Variants in CTTNBP2 observed in about 807,000 individuals in gnomAD.
CTTNBP2 encodes cortactin-binding protein 2.
A neutral mutation model predicts 156.9 loss-of-function variants in CTTNBP2; 108 were observed. That is an observed-to-expected ratio of 0.69 (90% confidence interval 0.59 to 0.81). CTTNBP2 has a LOEUF of 0.81. Ranked by LOEUF, CTTNBP2 falls within the 30% of genes least tolerant of loss-of-function variation. The pLI, the probability that CTTNBP2 is intolerant of heterozygous loss-of-function variation, is 0.00. For missense variants in CTTNBP2, 1,924 were observed against 2,035.4 expected (o/e 0.95, Z 1.05); for synonymous variants, 767 against 751.8 (o/e 1.02, Z -0.33).
At chr7:117,767,406 T>A (rs1797543251) in intron 8 of CTTNBP2, among the ~76,000 whole-genome samples, 1 of 152,160 alleles carries the variant, frequency 6.6e-6, no homozygotes, top group African/African-American at 2.4e-5. Context: ...ATAACATTGT[T>A]CCACAGAACA....
intron 8 of CTTNBP2, among the ~76,000 whole-genome samples, chr7:117,767,641 T>A (rs1264692199): frequency 6.6e-6 from 1 of 152,156 alleles, no homozygotes; most frequent in Non-Finnish European, 1.5e-5. Context: ...ATTCTAAGAG[T>A]CCTCATAAGC....
At chr7:117,764,430 C>T (rs540699425) in intron 9 of CTTNBP2, among the ~76,000 whole-genome samples, 3 of 152,298 alleles carry the variant, frequency 2.0e-5, no homozygotes, top group African/African-American at 7.2e-5. Context: ...CTATTTTCCA[C>T]TCTTTCTTGG....
intron 4 of CTTNBP2, among the ~76,000 whole-genome samples, chr7:117,786,595 A>C (rs1242930000): frequency 6.6e-6 from 1 of 152,162 alleles, no homozygotes. Context: ...AACAGGAGGG[A>C]ATGGGGCTCA....
chr7:117,740,761 G>A (rs1246432690), intron 14 of CTTNBP2, among the ~76,000 whole-genome samples: 1 of 152,142 alleles, frequency 6.6e-6, no homozygotes, highest in African/African-American at 2.4e-5. Flanking sequence ...CATGCTTTCT[G>A]CACAGTGAAA....
chr7:117,871,031 A>G (rs1348933164), intron 1 of CTTNBP2, among the ~76,000 whole-genome samples: 2 of 152,260 alleles, frequency 1.3e-5, no homozygotes, highest in Non-Finnish European at 2.9e-5. Flanking sequence ...CTACTGCTTT[A>G]GAGCTTCCAT....
chr7:117,718,008 G>T lies in CTTNBP2; in HGVS notation c.4746+10C>A. ...TCCTTTGTTCACTTTGGGGAGAAAG[G>T]GACACTTACCTTTTGTGACACTGGC... On this transcript the variant is annotated intron_variant, in intron 22 of 22. Transcript: ENST00000160373. The T allele has an allele frequency of 6.5e-7, 1 of 1,537,446 alleles. No individual in the cohort carries two copies. Among genetic ancestry groups the T allele is most frequent in the South Asian group, 1.1e-5 (1 of 89,332 alleles).
chr7:117,820,138 T>C (rs970810281), intron 2 of CTTNBP2, among the ~76,000 whole-genome samples: 1 of 152,238 alleles, frequency 6.6e-6, no homozygotes, highest in Non-Finnish European at 1.5e-5. Flanking sequence ...ACATCACCTT[T>C]ATTCCCTAAC....
chr7:117,742,169 A>C (rs1796056260), intron 14 of CTTNBP2, among the ~76,000 whole-genome samples: 1 of 152,178 alleles, frequency 6.6e-6, no homozygotes, highest in African/African-American at 2.4e-5. Context: ...TATAGTTTCC[A>C]GAAGGGCAGA....
At chr7:117,872,153 T>C (rs898795525) in intron 1 of CTTNBP2, 2 of 164,770 alleles carry the variant, frequency 1.2e-5, no homozygotes, top group South Asian at 2.0e-4. Context: ...TCTCCTTCCA[T>C]TGCCAGGCTC....
intron 22 of CTTNBP2, among the ~76,000 whole-genome samples, chr7:117,716,844 G>T (rs552862534): frequency 6.6e-6 from 1 of 152,290 alleles, no homozygotes; most frequent in East Asian, 1.9e-4. Context: ...AAAACTTAAT[G>T]AAGCAGTGAG....
chr7:117,843,390 C>A (rs1447433740), intron 2 of CTTNBP2, among the ~76,000 whole-genome samples: 2 of 152,046 alleles, frequency 1.3e-5, no homozygotes, highest in African/African-American at 4.8e-5. Flanking sequence ...CAGGAGTTCC[C>A]ATTTTAAATA....
chr7:117,769,880 A>G (rs750206262), intron 8 of CTTNBP2, among the ~76,000 whole-genome samples: 2 of 152,200 alleles, frequency 1.3e-5, no homozygotes, highest in African/African-American at 2.4e-5. Context: ...TAATCCTGCC[A>G]TCCAAAATGA....
intron 7 of CTTNBP2, 84 bp downstream of exon 7, chr7:117,780,352 TTTTAA>T (rs1798349361): frequency 1.1e-6 from 1 of 891,596 alleles, no homozygotes; most frequent in Admixed American, 3.0e-5. Flanking sequence ...GCAACCTCTA[TTTTAA>T]TTTATTTTGT....
chr7:117,815,460 T>C (rs1800522908), intron 2 of CTTNBP2, among the ~76,000 whole-genome samples: 1 of 152,198 alleles, frequency 6.6e-6, no homozygotes, highest in Non-Finnish European at 1.5e-5. Context: ...AAAGTTACTT[T>C]TCTATATAAA....
intron 8 of CTTNBP2, among the ~76,000 whole-genome samples, chr7:117,768,106 CA>C (rs1437395515): frequency 1.3e-5 from 2 of 152,016 alleles, no homozygotes; most frequent in South Asian, 4.1e-4. Context: ...CACACACACA[CA>C]CACACACACC....
At chr7:117,756,467 C>T (rs988447543) in intron 12 of CTTNBP2, 88 bp downstream of exon 12, 3 of 998,022 alleles carry the variant, frequency 3.0e-6, no homozygotes, top group East Asian at 4.8e-5. Context: ...GGGGCTTGCA[C>T]TCCTCCTTTA....
Position 117,725,275 on chromosome 7 carries a change from G to T in CTTNBP2, c.4056-18C>A. ...ACATCCACCTAGCAGGAGAGGGACC[G>T]ATTCATCCCTTAGGAGCAGGCTTCT... On this transcript the variant is annotated intron_variant, in intron 17 of 22. Coordinates refer to ENST00000160373, the MANE Select transcript of CTTNBP2 (RefSeq NM_033427.3). 6.2e-7 allele frequency: 1 copy of T among 1,606,624 alleles called. No homozygotes were observed. Among genetic ancestry groups the T allele is most frequent in the South Asian group, 1.1e-5 (1 of 90,908 alleles).
intron 22 of CTTNBP2, among the ~76,000 whole-genome samples, 153 bp from the exon 23 acceptor site, chr7:117,711,935 G>GTAAT (rs1482509634): frequency 2.6e-5 from 4 of 152,182 alleles, no homozygotes; most frequent in Non-Finnish European, 4.4e-5. Flanking sequence ...GAGAAGCTGA[G>GTAAT]TAATTAATTT....
chr7:117,788,368 C>T (rs1003624693), intron 4 of CTTNBP2, among the ~76,000 whole-genome samples: 6 of 152,160 alleles, frequency 3.9e-5, no homozygotes, highest in Admixed American at 1.3e-4. Flanking sequence ...CTAATCCTGC[C>T]TTACTATACT....
Sources: gnomAD v4.1 joint callset for allele counts (sites outside exome capture counted in the v4.1 genomes callset) on GRCh38, gnomAD v4.1.1 for gene constraint, MANE v1.5 for transcripts, NCBI Gene and HGNC (gene_info 2026-07-23, HGNC 2026-07-21) for gene names.